Variants in RIF1 observed in about 807,000 individuals in gnomAD.
RIF1 encodes telomere-associated protein RIF1.
Under a neutral mutation model 247.1 loss-of-function variants are expected in RIF1, and 45 were observed. The ratio of observed to expected loss-of-function variants is 0.18; its 90% CI spans 0.14 to 0.23. The LOEUF (loss-of-function observed/expected upper bound fraction) is 0.23. RIF1 is among the 10% of genes least tolerant of loss of function. RIF1 has a pLI of 1.00. For missense variants in RIF1, 2,967 were observed against 2,862.5 expected (o/e 1.04, Z -0.83); for synonymous variants, 1,087 against 978.8 (o/e 1.11, Z -2.06).
chr2:151,527,505 G>A, the RIF1 span: 1 of 1,613,216 alleles, frequency 6.2e-7, no homozygotes, highest in South Asian at 1.1e-5. Flanking sequence ...GGGATGACTT[G>A]GCAGCCTGGA....
intron 8 of RIF1, chr2:151,423,692 C>G (rs984311795): frequency 6.6e-6 from 1 of 152,128 alleles, no homozygotes; most frequent in East Asian, 1.9e-4. Context: ...ATTTAGTGTT[C>G]AAGGCTACTT....
At position 151,468,651 on chromosome 2, in the gene RIF1, T is replaced by C. The variant is rs150995718; in HGVS notation, c.6836T>C (p.Met2279Thr). 1 of 1,613,854 alleles carries C rather than the reference T, an allele frequency of 6.2e-7. No homozygotes were observed. Among genetic ancestry groups the C allele is most frequent in the African/African-American group, 1.3e-5 (1 of 75,060 alleles). ...GAAATTTATTCTAAGATTTCAGAAA[T>C]GGCCAAAGAATCCATACCATGCCCA... ...KSSKKCLISE[M>T]AKESIPCPTE... Residue 2279 changes from methionine (M) to threonine (T), a missense_variant, in exon 33 of 36, where the codon ATG becomes ACG. Physicochemically the swap from Met to Thr is moderately conservative, Grantham distance 81. This residue lies in a region of RIF1 where 2,028 missense variants were observed against 1,825.6 expected (regional missense o/e 1.11). Coordinates refer to ENST00000444746, the MANE Select transcript of RIF1 (RefSeq NM_018151.5).
In RIF1 at chr2:151,443,312, T is replaced by C. The variant is rs1692689009; in HGVS notation, c.1788T>C (p.Cys596=). Residue 596 remains cysteine, a synonymous_variant, in exon 17 of 36, where the codon TGT becomes TGC. Transcript: ENST00000444746. ...TAATTTTCAACAATTTCTTGGAATG[T>C]GGTGTATCAGATGAAAGGTAAGTTT... ...IQLIFNNFLE[C]GVSDERFFLS... 6.3e-7 allele frequency: 1 copy of C among 1,596,794 alleles called. No homozygotes were observed. The highest frequency in any genetic ancestry group is 1.3e-5 in the African/African-American group (1 of 74,544).
intron 16 of RIF1, 26 bp from the exon 17 acceptor site, chr2:151,443,233 A>G: frequency 7.4e-7 from 1 of 1,350,844 alleles, no homozygotes; most frequent in Non-Finnish European, 1.0e-6. Context: ...TGTAACTGAG[A>G]AGATTGACTT....
In RIF1 at chr2:151,463,759, C is replaced by G. The variant is rs540057492; in HGVS notation, c.4239C>G (p.Thr1413=). Residue 1413 remains threonine (T), a synonymous_variant, in exon 30 of 36, where the codon ACC becomes ACG. Coordinates refer to ENST00000444746, the MANE Select transcript of RIF1 (RefSeq NM_018151.5). ...TTCAGATAACTCCAAATCAGAAAAC[C>G]CTTAGACGGTCTTCAAGGCGACGTT... The part of the protein sequence containing the change: ...SQVQITPNQK[T]LRRSSRRRSE... 1.9e-5 allele frequency: 30 copies of G among 1,613,696 alleles called. No individual in the cohort carries two copies. The African/African-American group carries it at 3.6e-4, about 19-fold the overall frequency.
rs764540597 is a variant in RIF1 at position 151,416,608 on chromosome 2, A to G, written c.328A>G (p.Asn110Asp). 6.2e-7 allele frequency: 1 copy of G among 1,607,862 alleles called. No homozygotes were observed. Among genetic ancestry groups the G allele is most frequent in the South Asian group, 1.1e-5 (1 of 89,376 alleles). The change falls in exon 5 of 36, where the codon AAT becomes GAT. Residue 110 changes from asparagine (N) to aspartate (D), a missense_variant. Physicochemically the swap from Asn to Asp is conservative, Grantham distance 23. Around this residue, in one of 7 missense-constraint regions of RIF1, gnomAD observed 269 missense variants for 288.6 expected, o/e 0.93. Coordinates refer to ENST00000444746, the MANE Select transcript of RIF1 (RefSeq NM_018151.5). ...LLSKLNDTIK[N>D]SDKNVRTRAL... ...TTCAAAATTGAATGATACCATTAAG[A>G]ATTCAGACAAAAATGTACGTACTAG...
intron 12 of RIF1, chr2:151,503,530 C>T (rs2066375836): frequency 1.3e-6 from 1 of 795,514 alleles, no homozygotes; most frequent in African/African-American, 1.7e-5. Context: ...GGGGGAAACT[C>T]ATAAAAACAA....
In RIF1 at chr2:151,491,682, C is replaced by G; in HGVS notation, c.*416-3547C>G. On this transcript the variant is annotated intron_variant and NMD_transcript_variant, in intron 9 of 13. Transcript: ENST00000454583. ...TTGTAAGCCTTTTTCAGCTAACACACCATTAATCATGTGTAAGCTTCGGGA... is the reference window on the plus strand; with the variant it reads ...TTGTAAGCCTTTTTCAGCTAACACAGCATTAATCATGTGTAAGCTTCGGGA... The G allele has an allele frequency of 1.3e-6, 2 of 1,581,624 alleles. No homozygotes were observed. The highest frequency in any genetic ancestry group is 1.7e-4 in the Middle Eastern group (1 of 6,012).
At chr2:151,461,838 C>T (rs1258283170) in intron 27 of RIF1, among the ~76,000 whole-genome samples, 1 of 152,002 alleles carries the variant, frequency 6.6e-6, no homozygotes, top group Non-Finnish European at 1.5e-5. Flanking sequence ...GATTTTATAA[C>T]AATTTAGTAG....
chr2:151,473,443 C>T (rs199732461), intron 34 of RIF1, among the ~76,000 whole-genome samples: 2 of 151,170 alleles, frequency 1.3e-5, no homozygotes, highest in South Asian at 2.1e-4. Context: ...TTACAGGCAC[C>T]GTAATTTTTG....
chr2:151,419,413 C>T (rs1363363346), intron 6 of RIF1, among the ~76,000 whole-genome samples: 3 of 152,012 alleles, frequency 2.0e-5, no homozygotes, highest in Non-Finnish European at 4.4e-5. Context: ...GCAACCTCCG[C>T]CTCCCGGGTT....
At position 151,463,749 on chromosome 2, in the gene RIF1, A is replaced by G. The variant is rs1191374268; in HGVS notation, c.4229A>G (p.Asn1410Ser). 9.3e-6 allele frequency: 15 copies of G among 1,613,918 alleles called. No individual in the cohort carries two copies. Among genetic ancestry groups the G allele is most frequent in the Non-Finnish European group, 1.3e-5 (15 of 1,180,004 alleles). ...NEDSQVQITP[N>S]QKTLRRSSRR... Reference sequence around the variant, plus strand: ...GATAGTCAGGTTCAGATAACTCCAAATCAGAAAACCCTTAGACGGTCTTCA... The same window carrying G: ...GATAGTCAGGTTCAGATAACTCCAAGTCAGAAAACCCTTAGACGGTCTTCA... Residue 1410 changes from asparagine to serine, a missense_variant, in exon 30 of 36, where the codon AAT (asparagine) becomes AGT (serine). Transcript: ENST00000444746.
At chr2:151,459,806 A>G (rs1215807512) in intron 25 of RIF1, among the ~76,000 whole-genome samples, 194 bp from the exon 26 acceptor site, 1 of 152,190 alleles carries the variant, frequency 6.6e-6, no homozygotes, top group East Asian at 1.9e-4. Flanking sequence ...AGCTACTATT[A>G]AAGAGACACC....
chr2:151,441,834 G>A, intron 15 of RIF1, 71 bp from the exon 16 acceptor site: 2 of 669,316 alleles, frequency 3.0e-6, no homozygotes, highest in South Asian at 1.8e-5. Context: ...TAGAGATATA[G>A]TTAACACTCA....
intron 14 of RIF1, among the ~76,000 whole-genome samples, chr2:151,439,224 G>A (rs533460568): frequency 4.6e-5 from 7 of 152,250 alleles, no homozygotes; most frequent in East Asian, 3.9e-4. Flanking sequence ...TGCTGTTTCC[G>A]GGATGGAAGA....
chr2:151,504,670 C>T (rs1331827297), intron 12 of RIF1, among the ~76,000 whole-genome samples: 1 of 152,210 alleles, frequency 6.6e-6, no homozygotes, highest in African/African-American at 2.4e-5. Flanking sequence ...TGGCCATAAA[C>T]TATTTCCCAA....
the RIF1 span, among the ~76,000 whole-genome samples, chr2:151,522,194 T>C: frequency 6.6e-6 from 1 of 152,192 alleles, no homozygotes; most frequent in Non-Finnish European, 1.5e-5. Context: ...AAGTTTAAGA[T>C]CTAATTTTTT....
downstream of RIF1, among the ~76,000 whole-genome samples, chr2:151,483,662 C>T (rs897111754): frequency 9.9e-5 from 15 of 151,858 alleles, no homozygotes; most frequent in Non-Finnish European, 1.9e-4. Context: ...TGCACATTCT[C>T]CCATATACTT....
chr2:151,525,373 A>C, the RIF1 span: 1 of 869,932 alleles, frequency 1.1e-6, no homozygotes, highest in Non-Finnish European at 1.8e-6. Context: ...CATGCTCCCC[A>C]TTTTGGCGTC....
Sources: gnomAD v4.1 joint callset for allele counts (sites outside exome capture counted in the v4.1 genomes callset) on GRCh38, gnomAD v4.1.1 for gene constraint, gnomAD v4.1.1 regional missense constraint, MANE v1.5 for transcripts, NCBI Gene and HGNC (gene_info 2026-07-23, HGNC 2026-07-21) for gene names.